The following KLF7 variants were observed in gnomAD, a reference collection of about 807,000 sequenced individuals.
KLF7 encodes the protein KLF transcription factor 7, also known as Krueppel-like factor 7.
KLF7 carries 2 observed loss-of-function variants against 27.3 expected under a neutral mutation model. The observed-to-expected ratio is 0.07, with a 90% CI of 0.03 to 0.23. The LOEUF (loss-of-function observed/expected upper bound fraction) is 0.23. KLF7 is among the 10% of genes least tolerant of loss of function. The probability of loss-of-function intolerance (pLI) is 1.00; values close to 1 mark genes in which losing one functional copy is unlikely to be tolerated. For synonymous variants in KLF7, 165 were observed against 162.4 expected (o/e 1.02, Z -0.12); for missense variants, 221 against 394.1 (o/e 0.56, Z 3.72).
At position 207,165,904 on chromosome 2, in the gene KLF7, C is replaced by A; in HGVS notation, c.-336G>T. Reference sequence around the variant, plus strand: ...AGCTCGTGGATCAGGAAGGGGGATGCAAACTCACTGACACGAAGCTGCCAT... The same window carrying A: ...AGCTCGTGGATCAGGAAGGGGGATGAAAACTCACTGACACGAAGCTGCCAT... On this transcript the variant is annotated 5_prime_UTR_variant, in exon 1 of 4. Coordinates refer to ENST00000309446, the MANE Select transcript of KLF7 (RefSeq NM_003709.4). The A allele has an allele frequency of 8.8e-7, 1 of 1,131,126 alleles. No homozygotes were observed. Among genetic ancestry groups the A allele is most frequent in the Non-Finnish European group, 1.1e-6 (1 of 918,646 alleles). The allele number at this position is 1,131,126 out of a possible 1,614,324, so 70.1% of individuals were successfully genotyped here. A position where few individuals can be genotyped will look rare whatever the true frequency, so the allele number is the denominator to read the frequency against.
intron 2 of KLF7, among the ~76,000 whole-genome samples, chr2:207,106,647 G>A (rs965906535): frequency 6.6e-6 from 1 of 152,174 alleles, no homozygotes; most frequent in Non-Finnish European, 1.5e-5. Context: ...AATCATACAT[G>A]CTCTGGGGAC....
At chr2:207,133,114 G>C (rs1249815673) in intron 1 of KLF7, among the ~76,000 whole-genome samples, 1 of 152,166 alleles carries the variant, frequency 6.6e-6, no homozygotes, top group Non-Finnish European at 1.5e-5. Context: ...CTGGGGCCTA[G>C]AAGATGCTCC....
At chr2:207,115,587 T>C (rs1412567731) in intron 2 of KLF7, among the ~76,000 whole-genome samples, 2 of 152,202 alleles carry the variant, frequency 1.3e-5, no homozygotes, top group Non-Finnish European at 1.5e-5. Flanking sequence ...GACCAACATT[T>C]AGCTTAATAA....
rs1425821437 is a variant in KLF7, at chr2:207,075,650, G to C, written c.*5563C>G. The C allele has an allele frequency of 6.6e-6, 1 of 151,798 alleles. No homozygotes were observed. The highest frequency in any genetic ancestry group is 1.5e-5 in the Non-Finnish European group (1 of 67,952). The allele number at this position is 151,798 out of a possible 1,614,324, so 9.4% of individuals were successfully genotyped here. Reference sequence around the variant, plus strand: ...TGGCTGGGAAGTTGTGTGGGAGTAGGAAGTGGGAGAAGGAGCTTGACGCGG... The same window carrying C: ...TGGCTGGGAAGTTGTGTGGGAGTAGCAAGTGGGAGAAGGAGCTTGACGCGG... On this transcript the variant is annotated 3_prime_UTR_variant, in exon 4 of 4. Coordinates refer to ENST00000309446, the MANE Select transcript of KLF7 (RefSeq NM_003709.4).
rs186456211 is a variant in KLF7 at position 207,135,531 on chromosome 2, A to G, written c.103-11127T>C. Among the ~76,000 whole-genome samples the G allele has an allele frequency of 2.1e-3, 316 of 152,300 alleles. 1 individual carries two copies. The highest frequency in any genetic ancestry group is 7.1e-3 in the African/African-American group (293 of 41,560). The stretch of plus-strand genomic sequence containing the variant: ...GAATGTGACTCTTCAAAGATACCAG[A>G]CCTGTGCCTGACTTGCAGCCTGCCT... On this transcript the variant is annotated intron_variant, in intron 1 of 3. Transcript: ENST00000309446.
intron 2 of KLF7, among the ~76,000 whole-genome samples, chr2:207,092,226 A>C (rs902416205): frequency 6.6e-6 from 1 of 152,234 alleles, no homozygotes; most frequent in Non-Finnish European, 1.5e-5. Flanking sequence ...AAAAATGCTC[A>C]AGAGTGGTCT....
At chr2:207,166,775 G>A (rs548306932), upstream of KLF7, 3 of 989,684 alleles carry the variant, frequency 3.0e-6, no homozygotes, top group South Asian at 4.7e-5. Context: ...AAGCAGAAAA[G>A]GCATCCAGGG....
chr2:207,104,720 C>G (rs1259591102), intron 2 of KLF7, among the ~76,000 whole-genome samples: 2 of 152,196 alleles, frequency 1.3e-5, no homozygotes, highest in Non-Finnish European at 2.9e-5. Flanking sequence ...GCCATCTTAC[C>G]TTCAGAATTC....
At chr2:207,123,229 C>T (rs545650241) in intron 2 of KLF7, among the ~76,000 whole-genome samples, 4 of 152,170 alleles carry the variant, frequency 2.6e-5, no homozygotes, top group South Asian at 4.2e-4. Flanking sequence ...ATAAAGCACG[C>T]GCCAGAGAAC....
intron 1 of KLF7, among the ~76,000 whole-genome samples, chr2:207,129,869 G>A (rs2077577678): frequency 6.6e-6 from 1 of 152,176 alleles, no homozygotes; most frequent in African/African-American, 2.4e-5. Flanking sequence ...TCCAGAGACA[G>A]AAGTTGAAAG....
chr2:207,162,054 A>G (rs1042105750), intron 1 of KLF7, among the ~76,000 whole-genome samples: 6 of 152,244 alleles, frequency 3.9e-5, no homozygotes, highest in Admixed American at 2.0e-4. Flanking sequence ...ACCTGCACTC[A>G]TGAAATAGCA....
intron 1 of KLF7, among the ~76,000 whole-genome samples, chr2:207,125,370 C>T (rs1267280918): frequency 6.6e-6 from 1 of 152,168 alleles, no homozygotes; most frequent in African/African-American, 2.4e-5. Context: ...TCCTACAATT[C>T]CAGAATCTTG....
intron 2 of KLF7, among the ~76,000 whole-genome samples, chr2:207,090,415 G>A (rs1003689392): frequency 2.6e-5 from 4 of 152,346 alleles, no homozygotes; most frequent in Non-Finnish European, 4.4e-5. Flanking sequence ...CTAGAACTCA[G>A]TGTATTTGTC....
At chr2:207,117,002 C>T (rs2077205896) in intron 2 of KLF7, among the ~76,000 whole-genome samples, 1 of 152,134 alleles carries the variant, frequency 6.6e-6, no homozygotes, top group Admixed American at 6.5e-5. Context: ...AGTGTATGTA[C>T]AGTGGGTGTT....
intron 2 of KLF7, among the ~76,000 whole-genome samples, chr2:207,096,407 T>C (rs2076631486): frequency 6.6e-6 from 1 of 152,218 alleles, no homozygotes; most frequent in African/African-American, 2.4e-5. Flanking sequence ...AAATGCAGAT[T>C]CCGAGTTCCC....
At chr2:207,088,162 A>C (rs1277204067) in intron 3 of KLF7, among the ~76,000 whole-genome samples, 1 of 152,202 alleles carries the variant, frequency 6.6e-6, no homozygotes, top group Non-Finnish European at 1.5e-5. Flanking sequence ...TTTTCATATT[A>C]TACTAAAGTT....
At chr2:207,134,159 T>TTTTA in intron 1 of KLF7, 1 of 1,470,324 alleles carries the variant, frequency 6.8e-7, no homozygotes, top group South Asian at 1.3e-5. Flanking sequence ...CTGGGATTTT[T>TTTTA]TTTTTTTTTT....
At chr2:207,081,853 A>C (rs1167535415) in intron 3 of KLF7, among the ~76,000 whole-genome samples, 2 of 32,170 alleles carry the variant, frequency 6.2e-5, no homozygotes, top group Admixed American at 3.9e-4. Context: ...TATTCAAGTC[A>C]AAAAAAAAAA....
intron 2 of KLF7, among the ~76,000 whole-genome samples, chr2:207,102,126 TCACACACACACA>T (rs59384224): frequency 2.1e-5 from 3 of 141,172 alleles, no homozygotes; most frequent in Non-Finnish European, 3.2e-5. Context: ...ACATTCACAT[TCACACACACACA>T]CACACACACA....
Sources: allele counts gnomAD v4.1 joint callset (sites outside exome capture counted in the v4.1 genomes callset), GRCh38; gene constraint gnomAD v4.1.1; transcripts MANE v1.5; gene names NCBI Gene and HGNC (gene_info 2026-07-23, HGNC 2026-07-21).